Variants in SYNE2 observed in about 807,000 individuals in gnomAD.
SYNE2 encodes nesprin-2.
SYNE2 carries 431 observed loss-of-function variants against 856.3 expected under a neutral mutation model. The observed-to-expected ratio is 0.50, with a 90% CI of 0.47 to 0.55. The LOEUF (loss-of-function observed/expected upper bound fraction) is 0.55, where lower values mean the gene tolerates loss of function less well. Ranked by LOEUF, SYNE2 falls within the 20% of genes least tolerant of loss-of-function variation. The pLI, the probability that SYNE2 is intolerant of heterozygous loss-of-function variation, is 0.00. For synonymous variants in SYNE2, 2,923 were observed against 2,872.3 expected (o/e 1.02, Z -0.56); for missense variants, 8,129 against 8,023.2 (o/e 1.01, Z -0.50).
chr14:63,818,884 G>A (rs538390969), intron 1 of SYNE2, among the ~76,000 whole-genome samples: 39 of 151,760 alleles, frequency 2.6e-4, no homozygotes, highest in Admixed American at 1.4e-3. Context: ...ATTTTTAGTC[G>A]AGACTGGGTT....
chr14:63,937,775 A>G (rs548214094), intron 2 of SYNE2, among the ~76,000 whole-genome samples: 2 of 152,344 alleles, frequency 1.3e-5, no homozygotes, highest in Admixed American at 1.3e-4. Flanking sequence ...TGCACAGAGT[A>G]GTCATGAAGT....
Position 64,010,030 on chromosome 14 carries a change from A to G in SYNE2, c.4642A>G (p.Thr1548Ala), listed in dbSNP as rs1470949326. Residue 1548 changes from threonine to alanine, a missense_variant, in exon 32 of 116, where the codon ACA (threonine) becomes GCA (alanine). Thr to Ala is a moderately conservative substitution (Grantham distance 58). Around this residue, in one of 3 missense-constraint regions of SYNE2, gnomAD observed 2,422 missense variants for 2,357.4 expected, o/e 1.03. Coordinates refer to ENST00000555002, the MANE Select transcript of SYNE2 (RefSeq NM_182914.3). The stretch of plus-strand genomic sequence containing the variant: ...ATATCAGAATTTTAAAAGCATCTTG[A>G]CAACTTTGATTCAAAAAGAAGAGAG... Reference protein sequence around the residue: ...KQYQNFKSILTTLIQKEESVI... With the variant: ...KQYQNFKSILATLIQKEESVI... 6 of 1,614,048 alleles carry G rather than the reference A, an allele frequency of 3.7e-6. No individual in the cohort carries two copies. Among genetic ancestry groups the G allele is most frequent in the Non-Finnish European group, 3.4e-6 (4 of 1,179,946 alleles).
chr14:63,950,869 C>T (rs2096142958), intron 7 of SYNE2, among the ~76,000 whole-genome samples: 1 of 152,042 alleles, frequency 6.6e-6, no homozygotes, highest in Non-Finnish European at 1.5e-5. Flanking sequence ...GTTGCCCAGG[C>T]TGGTCTCAAA....
intron 32 of SYNE2, among the ~76,000 whole-genome samples, chr14:64,014,449 TGGAGTC>T (rs1200198737): frequency 1.3e-5 from 2 of 152,170 alleles, no homozygotes; most frequent in Non-Finnish European, 2.9e-5. Flanking sequence ...TTGTTTTTGA[TGGAGTC>T]TTGCTCTGTT....
At chr14:63,978,584 G>A (rs995486159) in intron 13 of SYNE2, among the ~76,000 whole-genome samples, 1 of 152,134 alleles carries the variant, frequency 6.6e-6, no homozygotes, top group Admixed American at 6.5e-5. Flanking sequence ...TCATAGATCA[G>A]CATTTTATTA....
chr14:64,055,599 C>T (rs1232791577), intron 48 of SYNE2, among the ~76,000 whole-genome samples: 1 of 151,944 alleles, frequency 6.6e-6, no homozygotes, highest in Admixed American at 6.6e-5. Flanking sequence ...GAACTCTGGA[C>T]CTCGTGATCC....
intron 94 of SYNE2, 150 bp from the exon 95 acceptor site, chr14:64,174,794 G>A (rs2098426207): frequency 1.5e-6 from 1 of 663,672 alleles, no homozygotes; most frequent in South Asian, 1.9e-5. Flanking sequence ...CTTTTGATGT[G>A]TGTGTGTATG....
intron 1 of SYNE2, among the ~76,000 whole-genome samples, chr14:63,782,467 C>CAAAA (rs35413633): frequency 1.2e-3 from 58 of 49,418 alleles, no homozygotes; most frequent in African/African-American, 2.0e-3. Flanking sequence ...AACTCCATCT[C>CAAAA]AAAAAAAAAA....
intron 45 of SYNE2, among the ~76,000 whole-genome samples, chr14:64,032,198 G>A (rs995659579): frequency 9.2e-5 from 14 of 152,272 alleles, no homozygotes; most frequent in Admixed American, 5.2e-4. Flanking sequence ...CTAAAAATAT[G>A]TAAAACAATG....
At chr14:64,122,181 G>C (rs373006570) in intron 69 of SYNE2, 48 bp downstream of exon 69, 2 of 1,613,940 alleles carry the variant, frequency 1.2e-6, no homozygotes, top group African/African-American at 2.7e-5. Flanking sequence ...TTTATGACTG[G>C]GAGAATTAAG....
intron 1 of SYNE2, among the ~76,000 whole-genome samples, chr14:63,887,446 C>T (rs1178666203): frequency 6.6e-6 from 1 of 152,166 alleles, no homozygotes; most frequent in East Asian, 1.9e-4. Context: ...TTGAACTGAT[C>T]CTACACCCTC....
intron 96 of SYNE2, among the ~76,000 whole-genome samples, chr14:64,183,530 C>A (rs1411493476): frequency 3.9e-5 from 6 of 152,192 alleles, no homozygotes; most frequent in Non-Finnish European, 8.8e-5. Context: ...CGGGCAGAGG[C>A]TGCAGTCTCG....
At chr14:63,960,944 T>C (rs1180016936) in intron 8 of SYNE2, 5 of 543,592 alleles carry the variant, frequency 9.2e-6, no homozygotes, top group Non-Finnish European at 1.6e-5. Context: ...TTCAGCATTT[T>C]ACAAACTTAT....
chr14:64,090,950 G>A lies in SYNE2; in HGVS notation c.11878G>A (p.Gly3960Arg), dbSNP rs772256421. The change falls in exon 60 of 116, where the codon GGA becomes AGA. Residue 3960 changes from glycine to arginine, a missense_variant. Transcript: ENST00000555002. ...YQVELRLPQT[G>R]MKPLPVFQRT... The stretch of plus-strand genomic sequence containing the variant: ...AGTGGAACTGAGGTTGCCCCAAACA[G>A]GAATGAAACCTCTGCCTGTGTTTCA... The A allele has an allele frequency of 2.5e-6, 4 of 1,614,070 alleles. No homozygotes were observed. The highest frequency in any genetic ancestry group is 3.4e-6 in the Non-Finnish European group (4 of 1,179,994).
intron 99 of SYNE2, among the ~76,000 whole-genome samples, chr14:64,201,121 G>A (rs2098561398): frequency 6.6e-6 from 1 of 152,220 alleles, no homozygotes; most frequent in African/African-American, 2.4e-5. Context: ...AGAGTCAGCG[G>A]TTAGGTACAT....
intron 8 of SYNE2, among the ~76,000 whole-genome samples, chr14:63,957,733 G>T (rs2096258769): frequency 6.6e-6 from 1 of 152,104 alleles, no homozygotes; most frequent in Non-Finnish European, 1.5e-5. Context: ...CGGGTGTGGT[G>T]GTGCATGCCT....
chr14:63,872,457 C>G (rs755998690), intron 1 of SYNE2, among the ~76,000 whole-genome samples: 8 of 150,326 alleles, frequency 5.3e-5, no homozygotes, highest in Non-Finnish European at 1.2e-4. Context: ...CAAGAAAAAT[C>G]CAACAAGAGT....
chr14:63,964,642 A>G (rs2096366052), intron 10 of SYNE2, among the ~76,000 whole-genome samples: 1 of 152,074 alleles, frequency 6.6e-6, no homozygotes, highest in African/African-American at 2.4e-5. Flanking sequence ...CTCCTGCCTC[A>G]GCTTTCCGAG....
At chr14:64,137,740 G>T in intron 78 of SYNE2, 47 bp from the exon 79 acceptor site, 1 of 1,599,158 alleles carries the variant, frequency 6.3e-7, no homozygotes, top group South Asian at 1.1e-5. Flanking sequence ...TAGCTTGGCA[G>T]ACTTTATTTT....
Sources: allele counts gnomAD v4.1 joint callset (sites outside exome capture counted in the v4.1 genomes callset), GRCh38; gene constraint gnomAD v4.1.1; regional missense constraint gnomAD v4.1.1; transcripts MANE v1.5; gene names NCBI Gene and HGNC (gene_info 2026-07-23, HGNC 2026-07-21).